Variants in C1QTNF5 observed in about 807,000 individuals in gnomAD.
The protein encoded by C1QTNF5 is C1q and TNF related 5.
In C1QTNF5, 5 loss-of-function variants were observed where a neutral mutation model predicts 10.9. The ratio of observed to expected loss-of-function variants is 0.46; its 90% CI spans 0.24 to 0.97. C1QTNF5 has a LOEUF of 0.97. Ranked by LOEUF, C1QTNF5 falls within the 50% of genes least tolerant of loss-of-function variation. The pLI, the probability that C1QTNF5 is intolerant of heterozygous loss-of-function variation, is 0.19. For missense variants in C1QTNF5, 281 were observed against 339.4 expected (o/e 0.83, Z 1.35); for synonymous variants, 161 against 156.5 (o/e 1.03, Z -0.22).
upstream of C1QTNF5, chr11:119,343,971 G>T: frequency 6.2e-7 from 1 of 1,611,990 alleles, no homozygotes; most frequent in African/African-American, 1.3e-5. Context: ...AGAGCTGGGG[G>T]AGGGCATAGG....
chr11:119,345,123 A>G (rs750246635), upstream of C1QTNF5: 7 of 1,346,344 alleles, frequency 5.2e-6, no homozygotes, highest in African/African-American at 1.5e-5. Flanking sequence ...CATGTGGTCA[A>G]AAAGGCTCCT....
At chr11:119,340,010 T>A (rs1408382426) in intron 2 of C1QTNF5, among the ~76,000 whole-genome samples, 162 bp from the exon 3 acceptor site, 1 of 152,060 alleles carries the variant, frequency 6.6e-6, no homozygotes, top group African/African-American at 2.4e-5. Context: ...AGGGCAGATC[T>A]GGGGGGCTGG....
upstream of C1QTNF5, chr11:119,342,465 A>G: frequency 8.4e-7 from 1 of 1,193,764 alleles, no homozygotes. Context: ...GTGGTCCCAG[A>G]GTCAGGATGG....
At chr11:119,340,901 G>A (rs1194460197), upstream of C1QTNF5, 1 of 169,218 alleles carries the variant, frequency 5.9e-6, no homozygotes, top group Non-Finnish European at 1.3e-5. Flanking sequence ...AAGAGCTCCC[G>A]GACCGGGAAA....
intron 2 of C1QTNF5, 45 bp downstream of exon 2, chr11:119,340,139 C>A (rs991346311): frequency 1.8e-5 from 27 of 1,496,932 alleles, no homozygotes; most frequent in Non-Finnish European, 2.4e-5. Context: ...TGCGGCCGCG[C>A]CTGCTCGGAC....
upstream of C1QTNF5, chr11:119,344,553 A>G (rs1223112619): frequency 1.2e-6 from 2 of 1,609,956 alleles, no homozygotes; most frequent in Admixed American, 1.7e-5. Flanking sequence ...GCCCGGTTTG[A>G]GGCTGGACCA....
chr11:119,341,387 G>A, upstream of C1QTNF5: 8 of 634,064 alleles, frequency 1.3e-5, no homozygotes, highest in South Asian at 1.4e-4. Context: ...GGGTGGTAGG[G>A]TCCCATGAGC....
upstream of C1QTNF5, chr11:119,344,927 C>T (rs917650524): frequency 1.2e-6 from 2 of 1,611,682 alleles, no homozygotes; most frequent in South Asian, 1.1e-5. Context: ...TCCTTCCACA[C>T]TGCTGTCAGA....
chr11:119,339,931 C>G lies in C1QTNF5; in HGVS notation c.215-83G>C. On this transcript the variant is annotated intron_variant, in intron 2 of 2. Transcript: ENST00000528368. The surrounding 1 kb of genome is among the most constrained non-coding windows in gnomAD (Gnocchi z 5.4). ...CGGCGACTCTAAGGTCACCGTACCC[C>G]TCCCCGCCCCTGCCTGAGCTTCGGC... is the stretch of plus-strand genomic sequence containing the variant. 1 of 1,402,530 alleles carries G rather than the reference C, an allele frequency of 7.1e-7. No individual in the cohort carries two copies. The highest frequency in any genetic ancestry group is 1.5e-5 in the South Asian group (1 of 65,644). 86.9% of individuals were successfully genotyped at this position (1,402,530 alleles called of 1,614,324 possible). A position where few individuals can be genotyped will look rare whatever the true frequency, so the allele number is the denominator to read the frequency against.
At chr11:119,346,131 G>C in the C1QTNF5 span, 1 of 1,602,522 alleles carries the variant, frequency 6.2e-7, no homozygotes, top group Non-Finnish European at 8.5e-7. Context: ...AGAAGCGGCA[G>C]TCTGGCCGTA....
rs1269285763 is a variant in C1QTNF5 at position 119,340,449 on chromosome 11, C to T, written c.-43-9G>A. On this transcript the variant is annotated splice_polypyrimidine_tract_variant and intron_variant, in intron 1 of 2. Coordinates refer to ENST00000528368, the MANE Select transcript of C1QTNF5 (RefSeq NM_001278431.2). ...CGGGGTCCTCTCGCAGTCTGTGGAC[C>T]AGGCAGGACTGGAGTCGGGACCCAG... 13 of 1,519,122 alleles carry T rather than the reference C, an allele frequency of 8.6e-6. No individual in the cohort carries two copies. The highest frequency in any genetic ancestry group is 2.8e-5 in the African/African-American group (2 of 71,982). 94.1% of individuals were successfully genotyped at this position (1,519,122 alleles called of 1,614,324 possible). A position where few individuals can be genotyped will look rare whatever the true frequency, so the allele number is the denominator to read the frequency against.
chr11:119,339,925 G>A lies in C1QTNF5; in HGVS notation c.215-77C>T. The A allele has an allele frequency of 7.1e-7, 1 of 1,410,632 alleles. No individual in the cohort carries two copies. The highest frequency in any genetic ancestry group is 9.2e-7 in the Non-Finnish European group (1 of 1,085,944). The allele number at this position is 1,410,632 out of a possible 1,614,324, so 87.4% of individuals were successfully genotyped here. A position where few individuals can be genotyped will look rare whatever the true frequency, so the allele number is the denominator to read the frequency against. ...GCGGGGCGGCGACTCTAAGGTCACCGTACCCCTCCCCGCCCCTGCCTGAGC... is the reference window on the plus strand; with the variant it reads ...GCGGGGCGGCGACTCTAAGGTCACCATACCCCTCCCCGCCCCTGCCTGAGC... On this transcript the variant is annotated intron_variant, in intron 2 of 2. Transcript: ENST00000528368. This position sits in a 1 kb window ranked among gnomAD's most constrained non-coding sequence, Gnocchi z 5.4.
chr11:119,341,866 G>C, upstream of C1QTNF5: 1 of 1,606,476 alleles, frequency 6.2e-7, no homozygotes, highest in Non-Finnish European at 8.5e-7. Context: ...CCTTGTAACC[G>C]CTGAGGACCT....
Position 119,339,115 on chromosome 11 carries a change from C to T in C1QTNF5, c.*216G>A. On this transcript the variant is annotated 3_prime_UTR_variant, in exon 3 of 3. Transcript: ENST00000528368. The surrounding 1 kb of genome is among the most constrained non-coding windows in gnomAD (Gnocchi z 5.4). Reference sequence around the variant, plus strand: ...TGCCAGCACAGCACACTCCTCTGGTCTTGGGCAGAAATCCAGCCACTGCCC... The same window carrying T: ...TGCCAGCACAGCACACTCCTCTGGTTTTGGGCAGAAATCCAGCCACTGCCC... 1.7e-6 allele frequency: 1 copy of T among 604,362 alleles called. No homozygotes were observed. Among genetic ancestry groups the T allele is most frequent in the Non-Finnish European group, 2.9e-6 (1 of 347,972 alleles). 37.4% of individuals were successfully genotyped at this position (604,362 alleles called of 1,614,324 possible).
chr11:119,345,564 G>A (rs200251814), upstream of C1QTNF5: 67 of 1,613,922 alleles, frequency 4.2e-5, no homozygotes, highest in Non-Finnish European at 5.3e-5. Context: ...GTGGGTGTTG[G>A]GGGGGTAAGG....
rs1019399817 is a variant in C1QTNF5 at position 119,339,259 on chromosome 11, C to T, written c.*72G>A. Reference sequence around the variant, plus strand: ...CAATATTCCAGGGGGGCCAGCCCTCCTGGATGACCTGGTTGTCAGCCTCAC... The same window carrying T: ...CAATATTCCAGGGGGGCCAGCCCTCTTGGATGACCTGGTTGTCAGCCTCAC... On this transcript the variant is annotated 3_prime_UTR_variant, in exon 3 of 3. Transcript: ENST00000528368. The surrounding 1 kb of genome is among the most constrained non-coding windows in gnomAD (Gnocchi z 5.4). 1 of 1,538,524 alleles carries T rather than the reference C, an allele frequency of 6.5e-7. No homozygotes were observed. The highest frequency in any genetic ancestry group is 2.3e-5 in the East Asian group (1 of 44,230).
chr11:119,343,461 GA>G (rs1377990540), upstream of C1QTNF5, among the ~76,000 whole-genome samples: 4 of 152,226 alleles, frequency 2.6e-5, no homozygotes, highest in Admixed American at 1.3e-4. Context: ...AGGCAGCAGT[GA>G]GCCATGATGG....
At chr11:119,345,320 T>C, upstream of C1QTNF5, 1 of 1,266,228 alleles carries the variant, frequency 7.9e-7, no homozygotes, top group Non-Finnish European at 1.1e-6. Context: ...AGTCTCTCAA[T>C]TTCTTCCTCG....
Position 119,339,199 on chromosome 11 carries a change from C to T in C1QTNF5, c.*132G>A, listed in dbSNP as rs549464072. 5.4e-5 allele frequency: 54 copies of T among 1,004,544 alleles called. No homozygotes were observed. In the African/African-American group the frequency reaches 8.0e-4, roughly 15 times the overall value. The allele number at this position is 1,004,544 out of a possible 1,614,324, so 62.2% of individuals were successfully genotyped here. A position where few individuals can be genotyped will look rare whatever the true frequency, so the allele number is the denominator to read the frequency against. ...TTCCCATTCCTTGCCAGCAGCAGGACGGAGAGTGCTCTACCCCACCTCCCT... is the reference window on the plus strand; with the variant it reads ...TTCCCATTCCTTGCCAGCAGCAGGATGGAGAGTGCTCTACCCCACCTCCCT... On this transcript the variant is annotated 3_prime_UTR_variant, in exon 3 of 3. Transcript: ENST00000528368. The surrounding 1 kb of genome is among the most constrained non-coding windows in gnomAD (Gnocchi z 5.4).
Sources: gnomAD v4.1 joint callset for allele counts (sites outside exome capture counted in the v4.1 genomes callset) on GRCh38, gnomAD v4.1.1 for gene constraint, Gnocchi (gnomAD v3.1) non-coding constraint, MANE v1.5 for transcripts, NCBI Gene and HGNC (gene_info 2026-07-23, HGNC 2026-07-21) for gene names.